The following SOBP variants were observed in gnomAD, a reference collection of about 807,000 sequenced individuals.
SOBP encodes the protein sine oculis binding protein homolog, also known as sine oculis-binding protein homolog.
Under a neutral mutation model 53.6 loss-of-function variants are expected in SOBP, and 4 were observed. That is an observed-to-expected ratio of 0.07 (90% CI 0.04 to 0.17). SOBP has a LOEUF of 0.17. Among genes scored for constraint, SOBP ranks in the 10% least tolerant of loss-of-function variants. SOBP has a pLI of 1.00. For missense variants in SOBP, 1,088 were observed against 1,204.7 expected (o/e 0.90, Z 1.43); for synonymous variants, 584 against 522.6 (o/e 1.12, Z -1.60).
chr6:107,623,264 T>C (rs1182963361), intron 5 of SOBP, among the ~76,000 whole-genome samples: 4 of 152,170 alleles, frequency 2.6e-5, no homozygotes, highest in Non-Finnish European at 1.5e-5. Flanking sequence ...AAGGCTAGGC[T>C]GCAAAAGGAG....
intron 4 of SOBP, among the ~76,000 whole-genome samples, chr6:107,568,214 A>G (rs1267378790): frequency 6.6e-6 from 1 of 152,220 alleles, no homozygotes; most frequent in East Asian, 1.9e-4. Context: ...TAAGAAAAAA[A>G]AGAGCCACCA....
intron 5 of SOBP, among the ~76,000 whole-genome samples, chr6:107,613,484 G>T (rs1786673044): frequency 6.6e-6 from 1 of 152,152 alleles, no homozygotes; most frequent in South Asian, 2.1e-4. Context: ...TGATTACCTT[G>T]ATATTAGATA....
At chr6:107,584,310 T>C (rs1785500060) in intron 4 of SOBP, among the ~76,000 whole-genome samples, 1 of 151,506 alleles carries the variant, frequency 6.6e-6, no homozygotes, top group African/African-American at 2.4e-5. Flanking sequence ...GGGTAGCGAA[T>C]TCCTGTGTTA....
At chr6:107,525,999 G>A (rs759222356) in intron 3 of SOBP, among the ~76,000 whole-genome samples, 27 of 151,988 alleles carry the variant, frequency 1.8e-4, no homozygotes, top group South Asian at 4.2e-4. Context: ...CCGGGCTGGA[G>A]TGCAATGGCA....
rs1376117263 is a variant in SOBP, at chr6:107,660,214, T to G, written c.*2011T>G. On this transcript the variant is annotated 3_prime_UTR_variant, in exon 7 of 7. Transcript: ENST00000317357. ...TTTTGTTTTTTGTTTTTTGTTTTAT[T>G]ACAGAGGTGTTCATTTTTCTCCCCC... 6.6e-6 allele frequency: 1 copy of G among 152,604 alleles called. No individual in the cohort carries two copies. Among genetic ancestry groups the G allele is most frequent in the East Asian group, 1.9e-4 (1 of 5,200 alleles). The allele number at this position is 152,604 out of a possible 1,614,324, so 9.5% of individuals were successfully genotyped here. A position where few individuals can be genotyped will look rare whatever the true frequency, so the allele number is the denominator to read the frequency against.
intron 5 of SOBP, among the ~76,000 whole-genome samples, chr6:107,628,243 G>A (rs985566504): frequency 2.6e-5 from 4 of 152,202 alleles, no homozygotes; most frequent in African/African-American, 9.6e-5. Context: ...GGAAAAATAA[G>A]AGGGCTCAGC....
chr6:107,500,045 A>C (rs1043955652), intron 1 of SOBP, among the ~76,000 whole-genome samples: 6 of 152,206 alleles, frequency 3.9e-5, no homozygotes, highest in African/African-American at 1.4e-4. Context: ...TCTCTGCTAG[A>C]AAGACTTGAA....
At chr6:107,591,042 A>G (rs935169335) in intron 5 of SOBP, among the ~76,000 whole-genome samples, 1 of 152,200 alleles carries the variant, frequency 6.6e-6, no homozygotes. Context: ...GTCGTCAAAA[A>G]TGTGGGCCCT....
chr6:107,591,597 C>T (rs1785750065), intron 5 of SOBP, among the ~76,000 whole-genome samples: 1 of 152,098 alleles, frequency 6.6e-6, no homozygotes, highest in South Asian at 2.1e-4. Flanking sequence ...GCACTGCACC[C>T]AGGTTAGTAT....
chr6:107,498,239 TGGGGAG>T (rs1254191786), intron 1 of SOBP, among the ~76,000 whole-genome samples: 1 of 152,150 alleles, frequency 6.6e-6, no homozygotes, highest in Non-Finnish European at 1.5e-5. Flanking sequence ...ATTATGTTTA[TGGGGAG>T]GGGAAGGGCA....
Position 107,635,047 on chromosome 6 carries a change from G to T in SOBP, c.2203G>T (p.Ala735Ser). 6.8e-7 allele frequency: 1 copy of T among 1,464,860 alleles called. No individual in the cohort carries two copies. Among genetic ancestry groups the T allele is most frequent in the Non-Finnish European group, 9.0e-7 (1 of 1,106,304 alleles). The allele number at this position is 1,464,860 out of a possible 1,614,324, so 90.7% of individuals were successfully genotyped here. A position where few individuals can be genotyped will look rare whatever the true frequency, so the allele number is the denominator to read the frequency against. Residue 735 changes from alanine (A) to serine (S), a missense_variant, in exon 6 of 7, where the codon GCT becomes TCT. Transcript: ENST00000317357. This position sits in a 1 kb window ranked among gnomAD's most constrained non-coding sequence, Gnocchi z 4.5. ...NGTRGAAAEG[A>S]KSAEPPPEQP... ...CACGCGCGGCGCCGCCGCCGAGGGCGCTAAGAGCGCGGAGCCGCCTCCCGA... is the reference window on the plus strand; with the variant it reads ...CACGCGCGGCGCCGCCGCCGAGGGCTCTAAGAGCGCGGAGCCGCCTCCCGA...
At chr6:107,521,958 A>G (rs1783509604) in intron 3 of SOBP, among the ~76,000 whole-genome samples, 1 of 127,866 alleles carries the variant, frequency 7.8e-6, no homozygotes, top group South Asian at 2.5e-4. Context: ...ACACACACAC[A>G]CAAACTCAAT....
intron 6 of SOBP, among the ~76,000 whole-genome samples, chr6:107,657,852 A>G (rs1231164810): frequency 6.6e-6 from 1 of 152,122 alleles, no homozygotes; most frequent in African/African-American, 2.4e-5. Context: ...AAAAAAAAAA[A>G]AAGCCTCCTG....
rs1462932265 is a variant in SOBP at position 107,634,279 on chromosome 6, C to A, written c.1435C>A (p.Pro479Thr). ...PGNPPGLLPP[P>T]PPGAPLPSLP... ...GAACCCCCCAGGCCTGCTGCCCCCG[C>A]CGCCTCCGGGCGCCCCGCTGCCGAG... The change falls in exon 6 of 7, where the codon CCG becomes ACG. Residue 479 changes from proline to threonine, a missense_variant. Coordinates refer to ENST00000317357, the MANE Select transcript of SOBP (RefSeq NM_018013.4). The surrounding 1 kb of genome is among the most constrained non-coding windows in gnomAD (Gnocchi z 4.5). 3 of 1,559,078 alleles carry A rather than the reference C, an allele frequency of 1.9e-6. No homozygotes were observed.
chr6:107,611,496 T>A (rs1473764932), intron 5 of SOBP, among the ~76,000 whole-genome samples: 1 of 152,212 alleles, frequency 6.6e-6, no homozygotes. Context: ...TATTTAAACA[T>A]GACAGCCCTG....
intron 4 of SOBP, among the ~76,000 whole-genome samples, chr6:107,564,006 C>T (rs1266846315): frequency 1.3e-5 from 2 of 152,084 alleles, no homozygotes; most frequent in African/African-American, 4.8e-5. Flanking sequence ...GTGATGGAGA[C>T]GGGTGGGTAG....
chr6:107,490,404 C>A lies in SOBP; in HGVS notation c.-213C>A. The A allele has an allele frequency of 4.3e-6, 2 of 465,000 alleles. No individual in the cohort carries two copies. Among genetic ancestry groups the A allele is most frequent in the Non-Finnish European group, 7.9e-6 (2 of 254,750 alleles). The allele number at this position is 465,000 out of a possible 1,614,324, so 28.8% of individuals were successfully genotyped here. A position where few individuals can be genotyped will look rare whatever the true frequency, so the allele number is the denominator to read the frequency against. Reference sequence around the variant, plus strand: ...CCCGAGACTCTCCGCACTATCCTTACCCGTGACAGCCACTGACGTCCTCCG... The same window carrying A: ...CCCGAGACTCTCCGCACTATCCTTAACCGTGACAGCCACTGACGTCCTCCG... On this transcript the variant is annotated 5_prime_UTR_variant, in exon 1 of 7. Coordinates refer to ENST00000317357, the MANE Select transcript of SOBP (RefSeq NM_018013.4).
At chr6:107,555,197 G>GAA (rs5878918) in intron 4 of SOBP, among the ~76,000 whole-genome samples, 7 of 135,792 alleles carry the variant, frequency 5.2e-5, no homozygotes, top group African/African-American at 1.1e-4. Context: ...GTAAGAGAAT[G>GAA]AAAAAAAAAA....
chr6:107,600,884 C>T (rs940558695), intron 5 of SOBP, among the ~76,000 whole-genome samples: 4 of 152,058 alleles, frequency 2.6e-5, no homozygotes, highest in African/African-American at 4.8e-5. Context: ...GAAATGAACT[C>T]GATTTTTACA....
Sources: gnomAD v4.1 joint callset for allele counts (sites outside exome capture counted in the v4.1 genomes callset) on GRCh38, gnomAD v4.1.1 for gene constraint, Gnocchi (gnomAD v3.1) non-coding constraint, MANE v1.5 for transcripts, NCBI Gene and HGNC (gene_info 2026-07-23, HGNC 2026-07-21) for gene names.